The following RBFOX1 variants were observed in gnomAD, a reference collection of about 807,000 sequenced individuals.
The protein encoded by RBFOX1 is RNA binding protein fox-1 homolog 1.
In RBFOX1, 8 loss-of-function variants were observed where a neutral mutation model predicts 57.7. The ratio of observed to expected loss-of-function variants is 0.14; its 90% CI spans 0.08 to 0.25. RBFOX1 has a LOEUF of 0.25. RBFOX1 is among the 10% of genes least tolerant of loss of function. The pLI is 1.00. For missense variants in RBFOX1, 611 were observed against 548.5 expected (o/e 1.11, Z -1.14); for synonymous variants, 326 against 222.4 (o/e 1.47, Z -4.15).
intron 4 of RBFOX1, among the ~76,000 whole-genome samples, chr16:6,010,231 A>G (rs1460479773): frequency 1.3e-5 from 2 of 151,946 alleles, no homozygotes; most frequent in Non-Finnish European, 2.9e-5. Flanking sequence ...TGCTCAACCC[A>G]TGTCCAAGGA....
chr16:5,538,419 A>G (rs1447664139), intron 2 of RBFOX1, among the ~76,000 whole-genome samples: 3 of 78,110 alleles, frequency 3.8e-5, no homozygotes, highest in Admixed American at 1.5e-4. Context: ...ACTACTGTTC[A>G]GGGAGGTCAA....
intron 2 of RBFOX1, among the ~76,000 whole-genome samples, chr16:5,539,171 A>G (rs2044828050): frequency 6.6e-6 from 1 of 152,198 alleles, no homozygotes; most frequent in Admixed American, 6.5e-5. Context: ...AAGTGCAGGA[A>G]GTGCTGGGAG....
chr16:6,237,983 C>T (rs575951258), intron 1 of RBFOX1, among the ~76,000 whole-genome samples: 2 of 147,308 alleles, frequency 1.4e-5, no homozygotes, highest in Non-Finnish European at 3.0e-5. Flanking sequence ...CCCAGCTACT[C>T]GGGAGGCTGA....
chr16:6,443,905 T>C (rs1296645180), intron 2 of RBFOX1, among the ~76,000 whole-genome samples: 1 of 152,134 alleles, frequency 6.6e-6, no homozygotes, highest in East Asian at 1.9e-4. Context: ...TAACATTTAT[T>C]GAATCCCCAT....
intron 1 of RBFOX1, among the ~76,000 whole-genome samples, chr16:5,394,946 A>T (rs1467207072): frequency 6.6e-6 from 1 of 152,002 alleles, no homozygotes; most frequent in Admixed American, 6.6e-5. Context: ...AGCCGGCATG[A>T]TTCTCCTGAA....
At chr16:6,970,319 C>G (rs534099638) in intron 3 of RBFOX1, among the ~76,000 whole-genome samples, 1 of 152,202 alleles carries the variant, frequency 6.6e-6, no homozygotes. Flanking sequence ...TCTGTCCTTT[C>G]ATTTTCTCAG....
At chr16:5,436,785 C>G (rs1410080289) in intron 1 of RBFOX1, among the ~76,000 whole-genome samples, 1 of 151,942 alleles carries the variant, frequency 6.6e-6, no homozygotes, top group Non-Finnish European at 1.5e-5. Context: ...TTGCAGCGAG[C>G]TGAGATTGTG....
chr16:6,663,679 A>C lies in RBFOX1; in HGVS notation c.-16+9029A>C, dbSNP rs12926459. Among the ~76,000 whole-genome samples the C allele has an allele frequency of 2.0e-5, 3 of 152,070 alleles. No homozygotes were observed. In the East Asian group the frequency reaches 5.8e-4, roughly 29 times the overall value. ...GGATTGGATTTCTTTTCTGTTTCCA[A>C]TGTCCTTTGTTTAAGGCCGTTAGGC... On this transcript the variant is annotated intron_variant, in intron 3 of 15. Transcript: ENST00000550418.
chr16:5,356,800 C>A (rs112744112), intron 1 of RBFOX1, among the ~76,000 whole-genome samples: 1 of 152,170 alleles, frequency 6.6e-6, no homozygotes, highest in African/African-American at 2.4e-5. Flanking sequence ...GCTTTGATGT[C>A]TAGTTGACAT....
At chr16:6,445,793 G>T (rs558005332) in intron 2 of RBFOX1, among the ~76,000 whole-genome samples, 19 of 152,040 alleles carry the variant, frequency 1.2e-4, no homozygotes, top group Non-Finnish European at 2.8e-4. Context: ...ATTTTGGCCA[G>T]GATGGTCTCG....
chr16:7,000,509 C>G (rs541871178), intron 3 of RBFOX1, among the ~76,000 whole-genome samples: 4 of 151,308 alleles, frequency 2.6e-5, no homozygotes, highest in African/African-American at 9.7e-5. Context: ...TGGTTAAATT[C>G]AGAAGTTTGA....
intron 3 of RBFOX1, among the ~76,000 whole-genome samples, chr16:7,049,322 C>T (rs1422919187): frequency 6.6e-6 from 1 of 152,126 alleles, no homozygotes; most frequent in Non-Finnish European, 1.5e-5. Flanking sequence ...GTTTGCCCAA[C>T]CTCTTGAGAC....
At chr16:5,801,443 C>G (rs980469521) in intron 3 of RBFOX1, among the ~76,000 whole-genome samples, 3 of 149,744 alleles carry the variant, frequency 2.0e-5, no homozygotes, top group Non-Finnish European at 4.4e-5. Flanking sequence ...TGTGATTATT[C>G]TCAGTGTGCG....
chr16:5,332,589 C>T (rs1464440447), intron 1 of RBFOX1, among the ~76,000 whole-genome samples: 5 of 151,072 alleles, frequency 3.3e-5, no homozygotes, highest in Non-Finnish European at 7.4e-5. Flanking sequence ...AGTCAGAAAA[C>T]CTTTTAAGAT....
chr16:7,009,248 C>G (rs1427447922), intron 3 of RBFOX1, among the ~76,000 whole-genome samples: 1 of 116,894 alleles, frequency 8.6e-6, no homozygotes, highest in African/African-American at 4.2e-5. Context: ...TGTCTACTTC[C>G]TCTCCTTCCT....
chr16:7,250,456 T>C (rs553479259), intron 4 of RBFOX1, among the ~76,000 whole-genome samples: 10 of 151,714 alleles, frequency 6.6e-5, no homozygotes, highest in African/African-American at 2.2e-4. Context: ...ACCACAAGAG[T>C]TTCCTGCTTC....
intron 3 of RBFOX1, among the ~76,000 whole-genome samples, chr16:7,000,586 C>CTTTTTTTTTTTTTTTTTTTTTTTTTT (rs149516490): frequency 1.0e-4 from 10 of 95,840 alleles, no homozygotes; most frequent in African/African-American, 3.1e-4. Context: ...TTTTTTCTTT[C>CTTTTTTTTTTTTTTTTTTTTTTTTTT]TTTTTCTTTC....
chr16:7,056,022 A>G (rs1358927236), intron 4 of RBFOX1, among the ~76,000 whole-genome samples: 1 of 151,960 alleles, frequency 6.6e-6, no homozygotes, highest in Non-Finnish European at 1.5e-5. Context: ...CCATCTTGGC[A>G]TTGTCTTTGT....
At chr16:6,570,896 T>A (rs2097335647) in intron 2 of RBFOX1, among the ~76,000 whole-genome samples, 1 of 152,160 alleles carries the variant, frequency 6.6e-6, no homozygotes, top group Non-Finnish European at 1.5e-5. Flanking sequence ...GGAAGAGAAA[T>A]TTGAAATCTT....
Sources: allele counts gnomAD v4.1 joint callset (sites outside exome capture counted in the v4.1 genomes callset), GRCh38; gene constraint gnomAD v4.1.1; transcripts MANE v1.5; gene names NCBI Gene and HGNC (gene_info 2026-07-23, HGNC 2026-07-21).